The following NFIB variants were observed in gnomAD, a reference collection of about 807,000 sequenced individuals.
The protein encoded by NFIB is nuclear factor 1 B-type.
In NFIB, 11 loss-of-function variants were observed where a neutral mutation model predicts 61.5. The observed-to-expected ratio is 0.18, with a 90% CI of 0.11 to 0.30. The LOEUF is 0.30. Ranked by LOEUF, NFIB falls within the 10% of genes least tolerant of loss-of-function variation. NFIB has a pLI of 1.00. For missense variants in NFIB, 471 were observed against 608.9 expected, an observed-to-expected ratio of 0.77 and a Z score of 2.38; for synonymous variants, 260 against 216.5, an observed-to-expected ratio of 1.20 and a Z score of -1.76.
chr9:14,400,885 A>AT (rs2061736283), upstream of NFIB, among the ~76,000 whole-genome samples: 1 of 152,212 alleles, frequency 6.6e-6, no homozygotes, highest in Non-Finnish European at 1.5e-5. Flanking sequence ...GGAGGAGGCA[A>AT]TGGCTTGGCA....
chr9:14,360,980 A>G (rs921170215), intron 1 of NFIB, among the ~76,000 whole-genome samples: 2 of 152,168 alleles, frequency 1.3e-5, no homozygotes, highest in Admixed American at 6.5e-5. Context: ...AGGGATAGAC[A>G]TATTTCATTA....
intron 10 of NFIB, among the ~76,000 whole-genome samples, chr9:14,111,398 C>T (rs1366490565): frequency 6.6e-6 from 1 of 152,070 alleles, no homozygotes; most frequent in Non-Finnish European, 1.5e-5. Context: ...TCAGAGTATT[C>T]TAACTAGCAT....
intron 2 of NFIB, among the ~76,000 whole-genome samples, chr9:14,273,777 T>C (rs1201695085): frequency 2.6e-5 from 4 of 152,112 alleles, no homozygotes; most frequent in Non-Finnish European, 5.9e-5. Context: ...CCCTACTTCC[T>C]TCCCAATGGT....
intron 10 of NFIB, among the ~76,000 whole-genome samples, chr9:14,093,239 T>A (rs771287046): frequency 3.4e-4 from 52 of 152,102 alleles, no homozygotes; most frequent in Non-Finnish European, 1.3e-4. Context: ...TATTTGATAA[T>A]GGATGAGATA....
chr9:14,176,273 A>C (rs953907891), intron 3 of NFIB, among the ~76,000 whole-genome samples: 2 of 151,128 alleles, frequency 1.3e-5, no homozygotes, highest in African/African-American at 4.9e-5. Context: ...AAAAAAAAAA[A>C]AACAAAGAAG....
chr9:14,297,996 T>C (rs2059541963), intron 2 of NFIB, among the ~76,000 whole-genome samples: 2 of 152,192 alleles, frequency 1.3e-5, no homozygotes, highest in Non-Finnish European at 2.9e-5. Context: ...ACAATTTTTA[T>C]ATTCATTAAA....
At chr9:14,306,942 TG>T in intron 2 of NFIB, 46 bp downstream of exon 2, 1 of 1,597,192 alleles carries the variant, frequency 6.3e-7, no homozygotes, top group Non-Finnish European at 8.5e-7. Flanking sequence ...TACGGAGATT[TG>T]TAGGCGGTGT....
At chr9:14,465,780 G>A in the NFIB span, among the ~76,000 whole-genome samples, 6 of 152,104 alleles carry the variant, frequency 3.9e-5, no homozygotes, top group East Asian at 1.9e-4. Flanking sequence ...ATTTGGGGCC[G>A]AGACAATTCT....
the NFIB span, among the ~76,000 whole-genome samples, chr9:14,440,310 T>G: frequency 6.6e-6 from 1 of 152,286 alleles, no homozygotes; most frequent in South Asian, 2.1e-4. Context: ...GGCCTGGGTG[T>G]GATCCAGAAT....
chr9:14,531,475 T>C, the NFIB span, among the ~76,000 whole-genome samples: 2 of 152,134 alleles, frequency 1.3e-5, no homozygotes, highest in East Asian at 1.9e-4. Context: ...TGGGGGACAG[T>C]CGCATACTGA....
chr9:14,201,314 C>G (rs538559493), intron 2 of NFIB, among the ~76,000 whole-genome samples: 1 of 152,284 alleles, frequency 6.6e-6, no homozygotes, highest in East Asian at 1.9e-4. Context: ...AACCTGGCCC[C>G]AGCCTAGCCT....
the NFIB span, among the ~76,000 whole-genome samples, chr9:14,420,825 C>T: frequency 6.6e-6 from 1 of 152,150 alleles, no homozygotes; most frequent in Non-Finnish European, 1.5e-5. Flanking sequence ...TTACTACTAT[C>T]TCGTCAATCA....
intron 2 of NFIB, 28 bp downstream of exon 2, chr9:14,306,961 G>C (rs373737602): frequency 1.4e-5 from 23 of 1,609,286 alleles, no homozygotes; most frequent in Non-Finnish European, 3.4e-6. Context: ...TGTTTGCCGT[G>C]CTAGAAAAAA....
chr9:14,205,224 G>GGGAAGGGAAGGAAGGGAGAGAGGAA (rs2049519635), intron 2 of NFIB, among the ~76,000 whole-genome samples: 1 of 1,422 alleles, frequency 7.0e-4, no homozygotes, highest in Non-Finnish European at 1.1e-3. Context: ...AGGGAGGGGA[G>GGGAAGGGAAGGAAGGGAGAGAGGAA]GGGAGGGGGA....
At chr9:14,405,144 T>C in the NFIB span, among the ~76,000 whole-genome samples, 1 of 152,204 alleles carries the variant, frequency 6.6e-6, no homozygotes, top group Non-Finnish European at 1.5e-5. Flanking sequence ...CCATAATCTC[T>C]CTTCCTTCAA....
At chr9:14,461,257 T>C in the NFIB span, among the ~76,000 whole-genome samples, 182 of 152,308 alleles carry the variant, frequency 1.2e-3, no homozygotes, top group Middle Eastern at 6.8e-3. Context: ...TAAATGTTTA[T>C]TGAATGAGAA....
chr9:14,373,320 C>T (rs1006647532), intron 1 of NFIB, among the ~76,000 whole-genome samples: 15 of 152,288 alleles, frequency 9.8e-5, no homozygotes, highest in Middle Eastern at 3.4e-3. Context: ...CTTCCCAAAT[C>T]CTCTTATATG....
chr9:14,432,745 A>G, the NFIB span, among the ~76,000 whole-genome samples: 1 of 152,240 alleles, frequency 6.6e-6, no homozygotes, highest in East Asian at 1.9e-4. Flanking sequence ...GAGACCTCAG[A>G]GTAGAAAATA....
Position 14,084,560 on chromosome 9 carries a change from G to A in NFIB, c.*3749C>T, listed in dbSNP as rs2032538616. On this transcript the variant is annotated 3_prime_UTR_variant, in exon 11 of 11. Coordinates refer to ENST00000380953, the MANE Select transcript of NFIB (RefSeq NM_001190737.2). ...GCCTCAAATGCTCACGTCACTCCAGGGGTAACACGCTTCAGAGGCACTGTG... is the reference window on the plus strand; with the variant it reads ...GCCTCAAATGCTCACGTCACTCCAGAGGTAACACGCTTCAGAGGCACTGTG... The A allele has an allele frequency of 4.4e-6, 1 of 227,696 alleles. No homozygotes were observed. Among genetic ancestry groups the A allele is most frequent in the East Asian group, 6.3e-5 (1 of 15,904 alleles). 14.1% of individuals were successfully genotyped at this position (227,696 alleles called of 1,614,324 possible). A position where few individuals can be genotyped will look rare whatever the true frequency, so the allele number is the denominator to read the frequency against.
Sources: gnomAD v4.1 joint callset for allele counts (sites outside exome capture counted in the v4.1 genomes callset) on GRCh38, gnomAD v4.1.1 for gene constraint, MANE v1.5 for transcripts, NCBI Gene and HGNC (gene_info 2026-07-23, HGNC 2026-07-21) for gene names.